The following TAPBPL variants were observed in gnomAD, a reference collection of about 807,000 sequenced individuals.
The protein encoded by TAPBPL is TAP binding protein like.
In TAPBPL, 32 loss-of-function variants were observed where a neutral mutation model predicts 44.8. The observed-to-expected ratio is 0.71, with a 90% CI of 0.54 to 0.96. TAPBPL has a LOEUF of 0.96. TAPBPL is among the 40% of genes least tolerant of loss of function. The pLI, the probability that TAPBPL is intolerant of heterozygous loss-of-function variation, is 0.00. For missense variants in TAPBPL, 520 were observed against 586.6 expected (o/e 0.89, Z 1.17); for synonymous variants, 230 against 240.7 (o/e 0.96, Z 0.41).
rs146581116 is a variant in TAPBPL, at chr12:6,453,216, G to A, written c.214G>A (p.Asp72Asn). Residue 72 changes from aspartate to asparagine, a missense_variant, in exon 2 of 7, where the codon GAT (aspartate) becomes AAT (asparagine). Coordinates refer to ENST00000266556, the MANE Select transcript of TAPBPL (RefSeq NM_018009.5). This position sits in a 1 kb window ranked among gnomAD's most constrained non-coding sequence, Gnocchi z 4.8. ...GCTGAAGCAGGTGCCAGTGCTGGAC[G>A]ATGGCTCCCTGGAGGACTTCACCGA... ...LVLKQVPVLD[D>N]GSLEDFTDFQ... The A allele has an allele frequency of 4.3e-3, 6,889 of 1,613,818 alleles. 23 individuals are homozygous for A. Among genetic ancestry groups the A allele is most frequent in the Non-Finnish European group, 5.1e-3 (6,044 of 1,179,892 alleles).
At chr12:6,469,346 G>A (rs907351641), downstream of TAPBPL, among the ~76,000 whole-genome samples, 5 of 152,188 alleles carry the variant, frequency 3.3e-5, no homozygotes, top group African/African-American at 7.2e-5. Context: ...GTGATGCCCC[G>A]CTAGCCACCA....
chr12:6,463,564 A>G (rs1032606990), downstream of TAPBPL: 2 of 1,056,842 alleles, frequency 1.9e-6, no homozygotes, highest in Non-Finnish European at 1.1e-6. This position sits in a 1 kb window ranked among gnomAD's most constrained non-coding sequence, Gnocchi z 4.0. Context: ...TGAGCTTGTT[A>G]CTTTCAAATT....
downstream of TAPBPL, chr12:6,463,025 T>C (rs12964): frequency 0.5 from 769,722 of 1,546,508 alleles, 194,471 homozygotes; most frequent in East Asian, 0.78. This position sits in a 1 kb window ranked among gnomAD's most constrained non-coding sequence, Gnocchi z 4.0. Flanking sequence ...CTCCGCTCTG[T>C]TCCCAGCCTG....
At chr12:6,465,740 A>T (rs551850326), downstream of TAPBPL, 510 of 1,459,626 alleles carry the variant, frequency 3.5e-4, no homozygotes, top group Non-Finnish European at 2.6e-4. Context: ...GGTCAGAGAG[A>T]TCCTGCACCA....
At chr12:6,462,485 T>G, downstream of TAPBPL, 1 of 494,606 alleles carries the variant, frequency 2.0e-6, no homozygotes, top group Non-Finnish European at 3.6e-6. Context: ...AGGGTTTTGT[T>G]GCACATTTGC....
At chr12:6,461,529 C>T (rs1028251931) in intron 6 of TAPBPL, 6 of 893,898 alleles carry the variant, frequency 6.7e-6, no homozygotes, top group South Asian at 4.8e-5. Context: ...GTGTCTGCTG[C>T]GACCAAGCTT....
rs754793262 is a variant in TAPBPL, at chr12:6,453,166, A to C, written c.164A>C (p.Glu55Ala). 1 of 1,609,586 alleles carries C rather than the reference A, an allele frequency of 6.2e-7. No homozygotes were observed. Among genetic ancestry groups the C allele is most frequent in the Non-Finnish European group, 8.5e-7 (1 of 1,178,354 alleles). ...GAHRGALASS[E>A]DRARASLVLK... The stretch of plus-strand genomic sequence containing the variant: ...CACCGTGGAGCTCTCGCCAGCAGTG[A>C]GGACAGGGCAAGGGCCTCCCTTGTG... Residue 55 changes from glutamate (E) to alanine (A), a missense_variant, in exon 2 of 7, where the codon GAG becomes GCG. Physicochemically the swap from Glu to Ala is moderately radical, Grantham distance 107. Transcript: ENST00000266556. This position sits in a 1 kb window ranked among gnomAD's most constrained non-coding sequence, Gnocchi z 4.8.
chr12:6,452,115 G>C lies in TAPBPL; in HGVS notation c.-134G>C. On this transcript the variant is annotated 5_prime_UTR_variant, in exon 1 of 7. Coordinates refer to ENST00000266556, the MANE Select transcript of TAPBPL (RefSeq NM_018009.5). ...GTGAAAGAAAAGTCGGCAGCAGAGG[G>C]AACAGGGAAGAAACCTAAAGGCTGC... The C allele has an allele frequency of 1.8e-6, 2 of 1,084,050 alleles. No individual in the cohort carries two copies. The highest frequency in any genetic ancestry group is 1.4e-6 in the Non-Finnish European group (1 of 731,556). 67.2% of individuals were successfully genotyped at this position (1,084,050 alleles called of 1,614,324 possible). A position where few individuals can be genotyped will look rare whatever the true frequency, so the allele number is the denominator to read the frequency against.
chr12:6,463,137 C>T, downstream of TAPBPL: 8 of 1,485,504 alleles, frequency 5.4e-6, no homozygotes, highest in African/African-American at 1.4e-5. The surrounding 1 kb of genome is among the most constrained non-coding windows in gnomAD (Gnocchi z 4.0). Context: ...CCTCAGGTTC[C>T]ACTGTCTATA....
chr12:6,452,931 G>A (rs1441237098), intron 1 of TAPBPL, 136 bp from the exon 2 acceptor site: 4 of 914,990 alleles, frequency 4.4e-6, no homozygotes, highest in Non-Finnish European at 6.5e-6. Context: ...GGAGAATAGA[G>A]GGACACAGAA....
At position 6,453,534 on chromosome 12, in the gene TAPBPL, T is replaced by A. The variant is rs772408715; in HGVS notation, c.383T>A (p.Phe128Tyr). 6.2e-7 allele frequency: 1 copy of A among 1,614,076 alleles called. No individual in the cohort carries two copies. The highest frequency in any genetic ancestry group is 8.5e-7 in the Non-Finnish European group (1 of 1,179,998). ...GTGACCTGTGAGATCTCCCGCTACTTTCTCCAGATGACAGAGACCACTGTT... is the reference window on the plus strand; with the variant it reads ...GTGACCTGTGAGATCTCCCGCTACTATCTCCAGATGACAGAGACCACTGTT... ...KEVTCEISRY[F>Y]LQMTETTVKT... Residue 128 changes from phenylalanine (F) to tyrosine (Y), a missense_variant, in exon 3 of 7, where the codon TTT (phenylalanine) becomes TAT (tyrosine). Physicochemically the swap from Phe to Tyr is conservative, Grantham distance 22. Transcript: ENST00000266556. This position sits in a 1 kb window ranked among gnomAD's most constrained non-coding sequence, Gnocchi z 4.8.
At position 6,460,861 on chromosome 12, in the gene TAPBPL, G is replaced by C. The variant is rs762444762; in HGVS notation, c.1214G>C (p.Arg405Thr). 7 of 1,614,114 alleles carry C rather than the reference G, an allele frequency of 4.3e-6. No homozygotes were observed. In the South Asian group the frequency reaches 7.7e-5, roughly 18 times the overall value. ...ASTQVVPPERRTALGVIFASS... is the reference protein window; with the variant it reads ...ASTQVVPPERTTALGVIFASS... ...ACGTTGCTCTCACCTACAGAGCGGA[G>C]AACAGCCTTGGGAGTCATCTTTGCC... Residue 405 changes from arginine (R) to threonine (T), a missense_variant, in exon 6 of 7, where the codon AGA becomes ACA. Arg to Thr is a moderately conservative substitution (Grantham distance 71). Transcript: ENST00000266556.
downstream of TAPBPL, chr12:6,465,418 A>ATATATATAAATGTATATATATGTGTG (rs1949992986): frequency 2.7e-5 from 3 of 111,340 alleles, no homozygotes; most frequent in Non-Finnish European, 5.0e-5. Flanking sequence ...ATATATGTAT[A>ATATATATAAATGTATATATATGTGTG]TATATATATA....
chr12:6,455,218 G>C (rs1477401543), intron 3 of TAPBPL, among the ~76,000 whole-genome samples: 2 of 152,100 alleles, frequency 1.3e-5, no homozygotes, highest in Admixed American at 6.5e-5. Flanking sequence ...TCTGAACTGA[G>C]AGTAAGTTGC....
downstream of TAPBPL, among the ~76,000 whole-genome samples, chr12:6,469,870 G>C (rs1389046355): frequency 6.6e-6 from 1 of 152,180 alleles, no homozygotes; most frequent in Admixed American, 6.5e-5. Flanking sequence ...CCAACTATTT[G>C]GTAAGACTCG....
At chr12:6,465,458 GTA>G (rs1285888979), downstream of TAPBPL, 4 of 101,846 alleles carry the variant, frequency 3.9e-5, 1 homozygote, top group Admixed American at 4.8e-4. Context: ...ATACATATGT[GTA>G]TATATAGTGT....
chr12:6,471,000 A>C, downstream of TAPBPL: 2 of 158,238 alleles, frequency 1.3e-5, no homozygotes, highest in Non-Finnish European at 2.8e-5. Context: ...CTCCCAACCA[A>C]TCGCTAGGCA....
intron 6 of TAPBPL, 54 bp downstream of exon 6, chr12:6,460,992 C>T: frequency 6.2e-7 from 1 of 1,610,598 alleles, no homozygotes; most frequent in East Asian, 2.2e-5. Context: ...CCCACTCTAA[C>T]CACCCCCCCG....
intron 3 of TAPBPL, 110 bp from the exon 4 acceptor site, chr12:6,457,296 G>GT (rs1157892443): frequency 9.6e-7 from 1 of 1,041,260 alleles, no homozygotes; most frequent in East Asian, 2.5e-5. Context: ...CAACCGGCCT[G>GT]TCAGGCGAGG....
Sources: allele counts gnomAD v4.1 joint callset (sites outside exome capture counted in the v4.1 genomes callset), GRCh38; gene constraint gnomAD v4.1.1; non-coding constraint Gnocchi (gnomAD v3.1); transcripts MANE v1.5; gene names NCBI Gene and HGNC (gene_info 2026-07-23, HGNC 2026-07-21).